The following PTPRG variants were observed in gnomAD, a reference collection of about 807,000 sequenced individuals.
The protein encoded by PTPRG is protein tyrosine phosphatase receptor type G, also known as receptor-type tyrosine-protein phosphatase gamma.
A neutral mutation model predicts 165.3 loss-of-function variants in PTPRG; 102 were observed. The ratio of observed to expected loss-of-function variants is 0.62; its 90% CI spans 0.53 to 0.73. PTPRG has a LOEUF of 0.73. Ranked by LOEUF, PTPRG falls within the 30% of genes least tolerant of loss-of-function variation. The pLI is 0.00. For synonymous variants in PTPRG, 675 were observed against 669.5 expected, an observed-to-expected ratio of 1.01 and a Z score of -0.13; for missense variants, 1,866 against 1,861.4, an observed-to-expected ratio of 1.00 and a Z score of -0.05.
intron 1 of PTPRG, among the ~76,000 whole-genome samples, chr3:61,626,982 T>A (rs72874741): frequency 0.03 from 4,519 of 152,210 alleles, 223 homozygotes; most frequent in African/African-American, 0.1. Context: ...TATATCCAAT[T>A]TATGTATGGA....
At chr3:61,793,145 G>A (rs945895768) in intron 2 of PTPRG, among the ~76,000 whole-genome samples, 2 of 152,132 alleles carry the variant, frequency 1.3e-5, no homozygotes, top group Non-Finnish European at 2.9e-5. Flanking sequence ...TCTCTTTATT[G>A]GTCCAGCCTG....
chr3:62,260,581 G>C (rs1469382984), intron 16 of PTPRG, among the ~76,000 whole-genome samples: 9 of 152,102 alleles, frequency 5.9e-5, no homozygotes, highest in African/African-American at 1.9e-4. Flanking sequence ...TTCTAGCTTT[G>C]TTACATAGGG....
chr3:62,263,595 G>C (rs1266237719), intron 17 of PTPRG: 1 of 152,354 alleles, frequency 6.6e-6, no homozygotes, highest in Admixed American at 6.5e-5. Context: ...ATATACCATG[G>C]TAAGGACATT....
At chr3:61,845,554 A>G (rs947495017) in intron 2 of PTPRG, among the ~76,000 whole-genome samples, 1 of 152,142 alleles carries the variant, frequency 6.6e-6, no homozygotes, top group African/African-American at 2.4e-5. Context: ...TTAAACTCTC[A>G]TGCAAAGCTA....
intron 5 of PTPRG, among the ~76,000 whole-genome samples, chr3:62,093,924 C>T (rs766750147): frequency 3.9e-5 from 6 of 152,188 alleles, no homozygotes; most frequent in Non-Finnish European, 5.9e-5. Context: ...ATTACTACAT[C>T]TGGTGAGAGA....
chr3:62,115,326 C>A (rs1702820272), intron 5 of PTPRG, among the ~76,000 whole-genome samples: 2 of 152,148 alleles, frequency 1.3e-5, no homozygotes, highest in Non-Finnish European at 2.9e-5. Context: ...AAACCCCTTT[C>A]CCTTGGGTGA....
At chr3:62,191,911 C>A (rs1576117599) in intron 9 of PTPRG, among the ~76,000 whole-genome samples, 1 of 152,230 alleles carries the variant, frequency 6.6e-6, no homozygotes, top group East Asian at 1.9e-4. Flanking sequence ...AGATTGGTTC[C>A]TTTAAAACTG....
At chr3:61,620,260 A>C (rs868648565) in intron 1 of PTPRG, among the ~76,000 whole-genome samples, 1 of 152,162 alleles carries the variant, frequency 6.6e-6, no homozygotes, top group Non-Finnish European at 1.5e-5. Context: ...CTTCAAGCAC[A>C]TGCGTAGGGA....
intron 1 of PTPRG, among the ~76,000 whole-genome samples, chr3:61,746,953 G>A (rs752156900): frequency 1.3e-5 from 2 of 152,136 alleles, no homozygotes; most frequent in Non-Finnish European, 2.9e-5. Flanking sequence ...AGGAGTTTAA[G>A]ATCAGCTACA....
chr3:61,897,718 T>C (rs986873529), intron 2 of PTPRG, among the ~76,000 whole-genome samples: 1 of 152,198 alleles, frequency 6.6e-6, no homozygotes, highest in Admixed American at 6.5e-5. Flanking sequence ...ACTGTATCTC[T>C]CCATTTATTT....
intron 2 of PTPRG, among the ~76,000 whole-genome samples, chr3:61,960,467 T>C (rs2040125213): frequency 6.6e-6 from 1 of 152,142 alleles, no homozygotes; most frequent in African/African-American, 2.4e-5. Flanking sequence ...TTTGGGGTGA[T>C]TTTTCTGCAT....
chr3:62,177,141 G>A (rs962460586), intron 8 of PTPRG, among the ~76,000 whole-genome samples: 11 of 151,866 alleles, frequency 7.2e-5, no homozygotes, highest in African/African-American at 2.7e-4. Flanking sequence ...AACATTAGCT[G>A]GGCTTGGTAG....
rs549006643 is a variant in PTPRG, at chr3:62,240,821, G to T, written c.2376-2986G>T. ...GCTCAAATGCCACCTCCTCAGTGAA[G>T]TCCCTTCCTTCAGCCGACTTCATTT... On this transcript the variant is annotated intron_variant, in intron 14 of 29. Transcript: ENST00000474889. The surrounding 1 kb of genome is among the most constrained non-coding windows in gnomAD (Gnocchi z 5.1). Among the ~76,000 whole-genome samples, 1 of 152,320 alleles carries T rather than the reference G, an allele frequency of 6.6e-6. No homozygotes were observed. The highest frequency in any genetic ancestry group is 2.1e-4 in the South Asian group (1 of 4,828).
chr3:62,090,857 C>T (rs990430916), intron 5 of PTPRG, among the ~76,000 whole-genome samples: 1 of 152,080 alleles, frequency 6.6e-6, no homozygotes, highest in Non-Finnish European at 1.5e-5. Context: ...TGGAGTGAGG[C>T]GTCTATGTAT....
intron 9 of PTPRG, 123 bp downstream of exon 9, chr3:62,191,776 C>T (rs1699829086): frequency 5.9e-6 from 6 of 1,012,692 alleles, no homozygotes; most frequent in Admixed American, 5.2e-5. Context: ...GTCTGGTGAA[C>T]ATGGGCACTG....
At chr3:62,022,722 AC>A (rs1414739994) in intron 4 of PTPRG, among the ~76,000 whole-genome samples, 1 of 152,140 alleles carries the variant, frequency 6.6e-6, no homozygotes, top group Non-Finnish European at 1.5e-5. Flanking sequence ...GGAATTATAT[AC>A]CTTTTGGGTC....
intron 2 of PTPRG, among the ~76,000 whole-genome samples, chr3:61,846,889 T>G (rs1159301153): frequency 6.6e-6 from 1 of 151,990 alleles, no homozygotes; most frequent in Admixed American, 6.6e-5. Context: ...CACTCCAGTC[T>G]GGGTATCAGA....
At chr3:61,703,763 T>G (rs1480422182) in intron 1 of PTPRG, among the ~76,000 whole-genome samples, 1 of 152,222 alleles carries the variant, frequency 6.6e-6, no homozygotes, top group Non-Finnish European at 1.5e-5. Flanking sequence ...ACCTGTTAGC[T>G]CGTGATTTCT....
chr3:61,770,311 A>C (rs1489214775), intron 2 of PTPRG: 3 of 152,202 alleles, frequency 2.0e-5, no homozygotes, highest in African/African-American at 7.2e-5. Flanking sequence ...ATTTTTAGAC[A>C]CTGGCTACCT....
Sources: allele counts gnomAD v4.1 joint callset (sites outside exome capture counted in the v4.1 genomes callset), GRCh38; gene constraint gnomAD v4.1.1; non-coding constraint Gnocchi (gnomAD v3.1); transcripts MANE v1.5; gene names NCBI Gene and HGNC (gene_info 2026-07-23, HGNC 2026-07-21).